Variants in DAPK1 observed in about 807,000 individuals in gnomAD.
DAPK1 encodes death-associated protein kinase 1.
In DAPK1, 56 loss-of-function variants were observed where a neutral mutation model predicts 144.9. That is an observed-to-expected ratio of 0.39 (90% CI 0.31 to 0.48). The LOEUF (loss-of-function observed/expected upper bound fraction) is 0.48, where lower values mean the gene tolerates loss of function less well. Ranked by LOEUF, DAPK1 falls within the 20% of genes least tolerant of loss-of-function variation. The pLI, the probability that DAPK1 is intolerant of heterozygous loss-of-function variation, is 0.95. For missense variants in DAPK1, 1,454 were observed against 1,875.4 expected, an observed-to-expected ratio of 0.78 and a Z score of 4.15; for synonymous variants, 690 against 749.0, an observed-to-expected ratio of 0.92 and a Z score of 1.29.
chr9:87,605,552 G>A (rs933139642), intron 3 of DAPK1, among the ~76,000 whole-genome samples: 1 of 151,820 alleles, frequency 6.6e-6, no homozygotes, highest in Admixed American at 6.6e-5. Context: ...TTGTTTTTCT[G>A]CCTTTCTTCC....
At chr9:87,546,209 AT>A (rs1351385118) in intron 2 of DAPK1, among the ~76,000 whole-genome samples, 3 of 152,290 alleles carry the variant, frequency 2.0e-5, no homozygotes, top group African/African-American at 7.2e-5. Context: ...CAATGAAAAG[AT>A]CTCACAGTTC....
intron 21 of DAPK1, among the ~76,000 whole-genome samples, chr9:87,694,083 G>T (rs756225048): frequency 1.1e-4 from 17 of 152,166 alleles, no homozygotes; most frequent in Non-Finnish European, 2.5e-4. Context: ...AGTAGTAGCA[G>T]TGGGCCAGGT....
In DAPK1 at chr9:87,583,428, C is replaced by T. The variant is rs574730007; in HGVS notation, c.63-21526C>T. 1.6e-4 allele frequency among the ~76,000 whole-genome samples: 24 copies of T among 152,280 alleles called. 1 individual carries two copies. The highest frequency in any genetic ancestry group is 4.2e-4 in the South Asian group (2 of 4,818). On this transcript the variant is annotated intron_variant, in intron 2 of 25. Coordinates refer to ENST00000408954, the MANE Select transcript of DAPK1 (RefSeq NM_004938.4). ...CCTCAAATGCGTACAGCAAATGTAA[C>T]GAGCCCCAAGCAATAGGCTTGCTAA...
Position 87,632,285 on chromosome 9 carries a change from A to G in DAPK1, c.285-5658A>G, listed in dbSNP as rs1380560183. 6.1e-6 allele frequency: 6 copies of G among 983,756 alleles called. No individual in the cohort carries two copies. In the African/African-American group the frequency reaches 7.0e-5, roughly 11 times the overall value. The allele number at this position is 983,756 out of a possible 1,614,324, so 60.9% of individuals were successfully genotyped here. On this transcript the variant is annotated intron_variant, in intron 3 of 25. Transcript: ENST00000408954. ...AGTATATATGTAGGAATGAAGGAGG[A>G]TGAGTACACATGTAGAAATGAAGGA...
At chr9:87,541,582 T>TTA (rs1826057380) in intron 2 of DAPK1, among the ~76,000 whole-genome samples, 1 of 151,274 alleles carries the variant, frequency 6.6e-6, no homozygotes. Flanking sequence ...GAGAAAGACT[T>TTA]TATAGGCTGT....
chr9:87,650,815 G>A (rs375284682), intron 16 of DAPK1, among the ~76,000 whole-genome samples: 9 of 152,292 alleles, frequency 5.9e-5, no homozygotes, highest in East Asian at 5.8e-4. Flanking sequence ...GCATCTCGTC[G>A]ATCCCAGCCA....
At chr9:87,518,117 T>TTTG (rs1563970412) in intron 2 of DAPK1, among the ~76,000 whole-genome samples, 5 of 141,202 alleles carry the variant, frequency 3.5e-5, no homozygotes, top group African/African-American at 1.5e-4. Context: ...TTTTTTTTTT[T>TTTG]TTTTTTTTTT....
At chr9:87,651,453 G>A (rs1165339288) in intron 16 of DAPK1, 74 bp from the exon 17 acceptor site, 30 of 1,442,132 alleles carry the variant, frequency 2.1e-5, no homozygotes, top group Non-Finnish European at 2.4e-5. Flanking sequence ...ACTCGATGGC[G>A]GCAGAAAAGG....
At chr9:87,632,468 GA>G in intron 3 of DAPK1, 1 of 979,520 alleles carries the variant, frequency 1.0e-6, no homozygotes, top group Non-Finnish European at 1.2e-6. Flanking sequence ...ATATATATAG[GA>G]ATGAAGGGTG....
At chr9:87,529,055 C>T (rs759728184) in intron 2 of DAPK1, among the ~76,000 whole-genome samples, 6 of 152,122 alleles carry the variant, frequency 3.9e-5, no homozygotes, top group South Asian at 4.1e-4. Flanking sequence ...TGCTGGCAGG[C>T]TACTAAGCAT....
intron 2 of DAPK1, among the ~76,000 whole-genome samples, chr9:87,536,796 C>A (rs958438657): frequency 9.9e-5 from 15 of 151,956 alleles, no homozygotes; most frequent in African/African-American, 3.4e-4. Flanking sequence ...TATTTAAATT[C>A]TTTATTGTCT....
chr9:87,702,705 A>C (rs1825497014), intron 24 of DAPK1, among the ~76,000 whole-genome samples: 1 of 152,174 alleles, frequency 6.6e-6, no homozygotes, highest in Non-Finnish European at 1.5e-5. Context: ...ATGAGGCTTA[A>C]AAGCAAGTCT....
intron 20 of DAPK1, among the ~76,000 whole-genome samples, chr9:87,682,483 C>T (rs1824670381): frequency 6.6e-6 from 1 of 152,134 alleles, no homozygotes; most frequent in Admixed American, 6.5e-5. Flanking sequence ...CAGGTCTGTT[C>T]CCCAGGTTGA....
Position 87,621,574 on chromosome 9 carries a change from T to G in DAPK1, c.285-16369T>G, listed in dbSNP as rs1483944188. 2.6e-5 allele frequency among the ~76,000 whole-genome samples: 4 copies of G among 152,192 alleles called. No individual in the cohort carries two copies. The East Asian group carries it at 7.7e-4, about 29-fold the overall frequency. ...TTGGTGTGCCATTTTCTGAGTATTT[T>G]CCAGACTCTGTGTTTCTCTTGAAAT... On this transcript the variant is annotated intron_variant, in intron 3 of 25. Transcript: ENST00000408954.
chr9:87,635,784 G>A (rs1341396508), intron 3 of DAPK1, among the ~76,000 whole-genome samples: 8 of 152,164 alleles, frequency 5.3e-5, no homozygotes, highest in South Asian at 2.1e-4. Flanking sequence ...GTAACCTTCC[G>A]GGTTTCAGGG....
chr9:87,509,163 C>G (rs79406810), intron 2 of DAPK1, among the ~76,000 whole-genome samples: 38 of 152,288 alleles, frequency 2.5e-4, no homozygotes, highest in African/African-American at 9.1e-4. Flanking sequence ...ACAGGCGCTG[C>G]AGGTATACGT....
At chr9:87,615,802 T>A (rs1378666575) in intron 3 of DAPK1, among the ~76,000 whole-genome samples, 2 of 152,252 alleles carry the variant, frequency 1.3e-5, no homozygotes, top group African/African-American at 4.8e-5. Context: ...TAAGGAACGC[T>A]GTGCCCCCTC....
intron 2 of DAPK1, among the ~76,000 whole-genome samples, chr9:87,533,126 A>G (rs952850509): frequency 3.3e-5 from 5 of 152,198 alleles, no homozygotes; most frequent in Admixed American, 2.0e-4. Context: ...CTGTGTATGC[A>G]CACACACACA....
chr9:87,699,084 A>G (rs990161240), intron 23 of DAPK1, among the ~76,000 whole-genome samples: 1 of 152,224 alleles, frequency 6.6e-6, no homozygotes, highest in African/African-American at 2.4e-5. Context: ...TCTAATAACC[A>G]TTTCCTTTGC....
Sources: allele counts gnomAD v4.1 joint callset (sites outside exome capture counted in the v4.1 genomes callset), GRCh38; gene constraint gnomAD v4.1.1; transcripts MANE v1.5; gene names NCBI Gene and HGNC (gene_info 2026-07-23, HGNC 2026-07-21).